NAF1: variants seen among roughly 807,000 people sequenced by gnomAD.
NAF1 encodes the protein H/ACA ribonucleoprotein complex non-core subunit NAF1.
NAF1 carries 11 observed loss-of-function variants against 40.6 expected under a neutral mutation model. The observed-to-expected ratio is 0.27, with a 90% CI of 0.17 to 0.45. NAF1 has a LOEUF of 0.45. Among genes scored for constraint, NAF1 ranks in the 20% least tolerant of loss-of-function variants. The pLI, the probability that NAF1 is intolerant of heterozygous loss-of-function variation, is 1.00. For missense variants in NAF1, 607 were observed against 611.1 expected (o/e 0.99, Z 0.07); for synonymous variants, 260 against 228.5 (o/e 1.14, Z -1.24).
intron 4 of NAF1, among the ~76,000 whole-genome samples, chr4:163,143,235 T>C (rs1169799086): frequency 6.6e-6 from 1 of 152,212 alleles, no homozygotes; most frequent in Non-Finnish European, 1.5e-5. Flanking sequence ...AAAGTCATTA[T>C]ATTTTTGCTA....
intron 7 of NAF1, among the ~76,000 whole-genome samples, chr4:163,130,444 A>G (rs1174025550): frequency 6.6e-6 from 1 of 152,252 alleles, no homozygotes; most frequent in African/African-American, 2.4e-5. Flanking sequence ...AACCAAAATT[A>G]AAAACTCAAT....
downstream of NAF1, among the ~76,000 whole-genome samples, chr4:163,109,416 G>A (rs1442053870): frequency 6.6e-6 from 1 of 151,830 alleles, no homozygotes; most frequent in Admixed American, 6.6e-5. Context: ...TGAAACATTA[G>A]CCTACAATTG....
At chr4:163,128,612 A>AT (rs896923347), downstream of NAF1, 1 of 424,478 alleles carries the variant, frequency 2.4e-6, no homozygotes, top group Non-Finnish European at 3.2e-6. Flanking sequence ...ATTACTATAT[A>AT]TATATATATA....
chr4:163,142,921 G>C (rs1731318749), intron 4 of NAF1, among the ~76,000 whole-genome samples: 1 of 152,076 alleles, frequency 6.6e-6, no homozygotes, highest in Admixed American at 6.6e-5. Context: ...TCCCTTCTTG[G>C]TCATTCCACC....
chr4:163,166,238 G>A (rs906420160), intron 1 of NAF1, 125 bp downstream of exon 1: 39 of 1,225,082 alleles, frequency 3.2e-5, no homozygotes, highest in African/African-American at 3.0e-4. Flanking sequence ...CGTGAGCCCG[G>A]AGCACCAACG....
At position 163,166,786 on chromosome 4, in the gene NAF1, C is replaced by T. The variant is rs1732500031; in HGVS notation, c.-59G>A. 2 of 1,598,574 alleles carry T rather than the reference C, an allele frequency of 1.3e-6. No individual in the cohort carries two copies. The highest frequency in any genetic ancestry group is 1.7e-6 in the Non-Finnish European group (2 of 1,174,100). ...TTGGGGCCCCTGGACAAGCTCACGG[C>T]TCTCTCCAGAAATAGAAAAACAACT... On this transcript the variant is annotated 5_prime_UTR_variant, in exon 1 of 8. Coordinates refer to ENST00000274054, the MANE Select transcript of NAF1 (RefSeq NM_138386.3).
At chr4:163,115,358 A>G (rs574048635) in intron 2 of NAF1, among the ~76,000 whole-genome samples, 16 of 151,650 alleles carry the variant, frequency 1.1e-4, no homozygotes, top group Admixed American at 3.9e-4. Context: ...ACAGGCGCCC[A>G]CCACCGCGCC....
intron 2 of NAF1, among the ~76,000 whole-genome samples, chr4:163,151,062 T>A (rs570178590): frequency 6.6e-6 from 1 of 152,146 alleles, no homozygotes; most frequent in Admixed American, 6.5e-5. Flanking sequence ...TTGTTTCTTG[T>A]ATAACTTTAC....
intron 2 of NAF1, among the ~76,000 whole-genome samples, chr4:163,114,586 T>C (rs200236410): frequency 1.3e-5 from 2 of 152,210 alleles, no homozygotes; most frequent in East Asian, 3.9e-4. Context: ...CACTTGGTAG[T>C]GTATCTTCTT....
intron 1 of NAF1, 128 bp from the exon 2 acceptor site, chr4:163,164,519 GAT>G (rs1732370648): frequency 4.4e-6 from 3 of 683,772 alleles, no homozygotes; most frequent in Non-Finnish European, 6.6e-6. Flanking sequence ...ATTAAAATAA[GAT>G]TATGCAATTA....
intron 5 of NAF1, 30 bp downstream of exon 5, chr4:163,140,193 T>C: frequency 6.5e-7 from 1 of 1,534,430 alleles, no homozygotes; most frequent in Non-Finnish European, 8.8e-7. Flanking sequence ...GTTAGGTAAG[T>C]GAAGAACAAC....
rs114601976 is a variant in NAF1 at position 163,149,457 on chromosome 4, T to C, written c.541-1023A>G. ...GGTTCTTAAAATCATTCAACCAGAG[T>C]TGATAAGCAGACATCTAAAATACAC... On this transcript the variant is annotated intron_variant, in intron 2 of 7. Transcript: ENST00000274054. Among the ~76,000 whole-genome samples, 715 of 152,214 alleles carry C rather than the reference T, an allele frequency of 4.7e-3. 6 individuals are homozygous for C. The highest frequency in any genetic ancestry group is 0.013 in the African/African-American group (536 of 41,552).
downstream of NAF1, chr4:163,127,159 T>C (rs1346757563): frequency 6.5e-7 from 1 of 1,536,844 alleles, no homozygotes; most frequent in Non-Finnish European, 8.8e-7. Flanking sequence ...AGATGGAGTC[T>C]TGCTCTGCCA....
intron 2 of NAF1, among the ~76,000 whole-genome samples, chr4:163,155,314 A>G (rs1207130407): frequency 6.6e-6 from 1 of 152,166 alleles, no homozygotes; most frequent in African/African-American, 2.4e-5. Context: ...TTTAGTCCCA[A>G]TCATAACGAG....
At chr4:163,151,042 G>A (rs1438826057) in intron 2 of NAF1, among the ~76,000 whole-genome samples, 1 of 151,662 alleles carries the variant, frequency 6.6e-6, no homozygotes, top group Admixed American at 6.6e-5. Flanking sequence ...ATTTTTATGT[G>A]TGTTATGAAT....
downstream of NAF1, among the ~76,000 whole-genome samples, chr4:163,122,474 A>G (rs980174319): frequency 1.3e-5 from 2 of 152,222 alleles, no homozygotes; most frequent in African/African-American, 2.4e-5. Context: ...AATTACTTAC[A>G]TCTTCCCTAT....
At position 163,166,381 on chromosome 4, in the gene NAF1, G is replaced by A. The variant is rs757094211; in HGVS notation, c.347C>T (p.Ser116Leu). The stretch of plus-strand genomic sequence containing the variant: ...ACCCGACCTGTCCGAGTCCGAATCC[G>A]AGTCCGAGGTCTCCAAGGAGTCCGG... ...RAPDSLETSD[S>L]DSDSDSETDS... Residue 116 changes from serine (S) to leucine (L), a missense_variant, in exon 1 of 8, where the codon TCG (serine) becomes TTG (leucine). By Grantham distance (145) the Ser-to-Leu change is moderately radical (BLOSUM62 -2). Around this residue, in one of 3 missense-constraint regions of NAF1, gnomAD observed 407 missense variants for 365.5 expected, o/e 1.11. Coordinates refer to ENST00000274054, the MANE Select transcript of NAF1 (RefSeq NM_138386.3). The A allele has an allele frequency of 1.2e-6, 2 of 1,604,234 alleles. No homozygotes were observed. Among genetic ancestry groups the A allele is most frequent in the South Asian group, 1.1e-5 (1 of 90,194 alleles).
At chr4:163,155,745 CA>C (rs566801541) in intron 2 of NAF1, among the ~76,000 whole-genome samples, 16 of 152,094 alleles carry the variant, frequency 1.1e-4, no homozygotes, top group Admixed American at 5.2e-4. Context: ...AAATAAAAAT[CA>C]ATCACTTTGC....
chr4:163,164,487 G>T, intron 1 of NAF1, 96 bp from the exon 2 acceptor site: 2 of 856,610 alleles, frequency 2.3e-6, no homozygotes, highest in East Asian at 3.4e-5. Context: ...TTTAATACAA[G>T]TTTACTATTG....
Sources: allele counts gnomAD v4.1 joint callset (sites outside exome capture counted in the v4.1 genomes callset), GRCh38; gene constraint gnomAD v4.1.1; regional missense constraint gnomAD v4.1.1; transcripts MANE v1.5; gene names NCBI Gene and HGNC (gene_info 2026-07-23, HGNC 2026-07-21).